KNDC1: variants seen among roughly 807,000 people sequenced by gnomAD.
KNDC1 encodes the protein kinase non-catalytic C-lobe domain containing 1.
KNDC1 carries 106 observed loss-of-function variants against 172.8 expected under a neutral mutation model. The ratio of observed to expected loss-of-function variants is 0.61; its 90% CI spans 0.52 to 0.72. KNDC1 has a LOEUF of 0.72. Among genes scored for constraint, KNDC1 ranks in the 30% least tolerant of loss-of-function variants. The pLI, the probability that KNDC1 is intolerant of heterozygous loss-of-function variation, is 0.00. For synonymous variants in KNDC1, 1,083 were observed against 1,062.2 expected, an observed-to-expected ratio of 1.02 and a Z score of -0.38; for missense variants, 2,325 against 2,394.5, an observed-to-expected ratio of 0.97 and a Z score of 0.61.
At position 133,185,982 on chromosome 10, in the gene KNDC1, G is replaced by A. The variant is rs751668060; in HGVS notation, c.634G>A (p.Glu212Lys). 62 of 1,595,730 alleles carry A rather than the reference G, an allele frequency of 3.9e-5. No homozygotes were observed. The highest frequency in any genetic ancestry group is 4.9e-5 in the Non-Finnish European group (57 of 1,173,070). ...ATCTTGCTTGTGCCCAGATGTCAGC[G>A]AGAGCAGCTGGCGGGAGAGACCTGC... ...ESFGALQDVS[E>K]SSWRERPAPG... is the part of the protein sequence containing the mutation. Residue 212 changes from glutamate to lysine, a missense_variant, in exon 6 of 30, where the codon GAG becomes AAG. Coordinates refer to ENST00000304613, the MANE Select transcript of KNDC1 (RefSeq NM_152643.8).
At chr10:133,223,582 C>G (rs1589781209) in intron 29 of KNDC1, among the ~76,000 whole-genome samples, 3 of 69,548 alleles carry the variant, frequency 4.3e-5, no homozygotes, top group Admixed American at 1.4e-4. Context: ...CAGGCATGCT[C>G]TTCCCGGCGT....
intron 23 of KNDC1, 137 bp downstream of exon 23, chr10:133,211,995 A>G (rs1254821688): frequency 2.5e-6 from 2 of 786,308 alleles, no homozygotes; most frequent in East Asian, 2.7e-5. Context: ...ATGCATACAC[A>G]TAGACGTGTG....
Position 133,224,539 on chromosome 10 carries a change from A to T in KNDC1, c.5019-120A>T. On this transcript the variant is annotated intron_variant, in intron 29 of 29. Coordinates refer to ENST00000304613, the MANE Select transcript of KNDC1 (RefSeq NM_152643.8). This position sits in a 1 kb window ranked among gnomAD's most constrained non-coding sequence, Gnocchi z 5.4. ...TAAATACAGACAACCCACCCTTCAG[A>T]ATTTACACGGTGAAAAGATTTAGTC... 1.4e-6 allele frequency: 1 copy of T among 717,642 alleles called. No individual in the cohort carries two copies. The allele number at this position is 717,642 out of a possible 1,614,324, so 44.5% of individuals were successfully genotyped here.
At chr10:133,165,670 C>T (rs538915311) in intron 1 of KNDC1, among the ~76,000 whole-genome samples, 6 of 152,344 alleles carry the variant, frequency 3.9e-5, no homozygotes, top group South Asian at 2.1e-4. Context: ...CATATGTGTG[C>T]GCCTGCGTGT....
chr10:133,200,527 G>T (rs563150354), intron 16 of KNDC1, 67 bp downstream of exon 16: 10 of 1,210,570 alleles, frequency 8.3e-6, no homozygotes, highest in Non-Finnish European at 9.8e-6. Flanking sequence ...TCTGCAATGC[G>T]GGGGGCGCCC....
intron 14 of KNDC1, 86 bp from the exon 15 acceptor site, chr10:133,199,372 A>T: frequency 6.4e-7 from 1 of 1,570,204 alleles, no homozygotes. Context: ...AGCCGAGATC[A>T]GCCTTGTCCG....
rs984391186 is a variant in KNDC1, at chr10:133,225,058, C to G, written c.*168C>G. 2 of 614,738 alleles carry G rather than the reference C, an allele frequency of 3.3e-6. No homozygotes were observed. The highest frequency in any genetic ancestry group is 5.8e-6 in the Non-Finnish European group (2 of 342,196). The allele number at this position is 614,738 out of a possible 1,614,324, so 38.1% of individuals were successfully genotyped here. A position where few individuals can be genotyped will look rare whatever the true frequency, so the allele number is the denominator to read the frequency against. On this transcript the variant is annotated 3_prime_UTR_variant, in exon 30 of 30. Coordinates refer to ENST00000304613, the MANE Select transcript of KNDC1 (RefSeq NM_152643.8). ...GCTCAGGGGACCCCATGGGGACAGG[C>G]AGAGCTGGTCTCCTCCCAGCAGACG...
Position 133,175,003 on chromosome 10 carries a change from GT to G in KNDC1, c.360+6692del. Among the ~76,000 whole-genome samples, 4 of 151,086 alleles carry G rather than the reference GT, an allele frequency of 2.6e-5. 1 individual carries two copies. The highest frequency in any genetic ancestry group is 9.7e-5 in the African/African-American group (4 of 41,148). ...GGGTGGATGGGTGGATGGTGGATATGTGAATGGATGGGTGGGTGGAAAGATG... is the reference window on the plus strand; with the variant it reads ...GGGTGGATGGGTGGATGGTGGATATGGAATGGATGGGTGGGTGGAAAGATG... On this transcript the variant is annotated intron_variant, in intron 3 of 29. Coordinates refer to ENST00000304613, the MANE Select transcript of KNDC1 (RefSeq NM_152643.8).
chr10:133,195,265 C>T (rs1218808603), intron 9 of KNDC1, among the ~76,000 whole-genome samples: 4 of 152,128 alleles, frequency 2.6e-5, no homozygotes, highest in African/African-American at 7.2e-5. Flanking sequence ...CAGCACGGCA[C>T]CAGTCGGGGG....
In KNDC1 at chr10:133,186,236, C is replaced by T. The variant is rs1440806634; in HGVS notation, c.888C>T (p.Ala296=). 6.3e-7 allele frequency: 1 copy of T among 1,593,186 alleles called. No individual in the cohort carries two copies. The highest frequency in any genetic ancestry group is 8.5e-7 in the Non-Finnish European group (1 of 1,170,620). Residue 296 remains alanine (A), a synonymous_variant, in exon 6 of 30, where the codon GCC becomes GCT. Transcript: ENST00000304613. ...ERTLGELDRD[A]LRRSRLRKVQ... is the part of the protein sequence containing the mutation. ...CCCTCGGGGAGCTGGACAGAGACGC[C>T]CTCAGGAGAAGCCGCCTGCGGAAGG...
At chr10:133,172,060 G>T (rs11101603) in intron 3 of KNDC1, among the ~76,000 whole-genome samples, 1 of 152,070 alleles carries the variant, frequency 6.6e-6, no homozygotes, top group Non-Finnish European at 1.5e-5. Flanking sequence ...CCTCCCATCC[G>T]ATGGTCCTGC....
intron 9 of KNDC1, among the ~76,000 whole-genome samples, chr10:133,195,089 T>C (rs566953582): frequency 6.6e-6 from 1 of 152,376 alleles, no homozygotes; most frequent in South Asian, 2.1e-4. Flanking sequence ...GTTTCATTGA[T>C]TTTTATCAAT....
intron 3 of KNDC1, among the ~76,000 whole-genome samples, chr10:133,174,728 T>C (rs1434789598): frequency 1.3e-5 from 2 of 148,748 alleles, no homozygotes; most frequent in Non-Finnish European, 3.0e-5. Context: ...ATGGTTAATA[T>C]GTGGATGGAT....
chr10:133,196,255 C>T (rs1210779847), intron 10 of KNDC1, among the ~76,000 whole-genome samples: 1 of 152,134 alleles, frequency 6.6e-6, no homozygotes, highest in East Asian at 1.9e-4. Context: ...CAGCCCCGCC[C>T]CTCCCTGCCT....
At position 133,186,372 on chromosome 10, in the gene KNDC1, A is replaced by T. The variant is rs267602421; in HGVS notation, c.1024A>T (p.Arg342Trp). 6.2e-7 allele frequency: 1 copy of T among 1,612,764 alleles called. No homozygotes were observed. The highest frequency in any genetic ancestry group is 1.6e-4 in the Middle Eastern group (1 of 6,062). The change falls in exon 6 of 30, where the codon AGG (arginine) becomes TGG (tryptophan). Residue 342 changes from arginine to tryptophan, a missense_variant. Arg to Trp is a moderately radical substitution (Grantham distance 101, BLOSUM62 -3). Coordinates refer to ENST00000304613, the MANE Select transcript of KNDC1 (RefSeq NM_152643.8). Reference protein sequence around the residue: ...PISELFSPDPRKAFLDRKNGL... With the variant: ...PISELFSPDPWKAFLDRKNGL... ...ATCGGAATTATTCTCTCCGGACCCC[A>T]GGAAGGCCTTTCTGGACAGGAAAAA...
chr10:133,162,572 C>T (rs1348223013), intron 1 of KNDC1, among the ~76,000 whole-genome samples: 2 of 152,184 alleles, frequency 1.3e-5, no homozygotes, highest in African/African-American at 4.8e-5. Context: ...TGACATGGTC[C>T]CAAAGAAAAT....
intron 3 of KNDC1, among the ~76,000 whole-genome samples, chr10:133,177,926 AGT>A (rs1306015421): frequency 3.6e-5 from 5 of 137,652 alleles, no homozygotes; most frequent in South Asian, 2.3e-4. Flanking sequence ...GCAAGCATGT[AGT>A]GTGTTATGTC....
chr10:133,211,849 C>G lies in KNDC1; in HGVS notation c.4227C>G (p.Ile1409Met), dbSNP rs772965775. Residue 1409 changes from isoleucine to methionine, a missense_variant, in exon 23 of 30, where the codon ATC becomes ATG. By Grantham distance (10) the Ile-to-Met change is conservative. Coordinates refer to ENST00000304613, the MANE Select transcript of KNDC1 (RefSeq NM_152643.8). ...GTAAGAGGCTCTCAGAGGACGGCAT[C>G]TCCAGGAAGGTGGGGTCCTTTCTCA... ...ALCKRLSEDG[I>M]SRKSFPWRLP... is the part of the protein sequence containing the mutation. The G allele has an allele frequency of 1.2e-6, 2 of 1,606,322 alleles. No individual in the cohort carries two copies. The highest frequency in any genetic ancestry group is 2.2e-5 in the East Asian group (1 of 44,838).
In KNDC1 at chr10:133,198,853, T is replaced by C. The variant is rs894643565; in HGVS notation, c.2345T>C (p.Val782Ala). Residue 782 changes from valine (V) to alanine (A), a missense_variant, in exon 14 of 30, where the codon GTC becomes GCC. By Grantham distance (64) the Val-to-Ala change is moderately conservative. Coordinates refer to ENST00000304613, the MANE Select transcript of KNDC1 (RefSeq NM_152643.8). ...GASSAAPGSP[V>A]PAPPTKASAL... The stretch of plus-strand genomic sequence containing the variant: ...TCATCGGCAGCTCCCGGCTCTCCAG[T>C]CCCCGCCCCGCCCACGAAGGCATCT... 2.1e-5 allele frequency: 34 copies of C among 1,597,796 alleles called. No individual in the cohort carries two copies. Among genetic ancestry groups the C allele is most frequent in the Non-Finnish European group, 2.9e-5 (34 of 1,175,384 alleles).
Sources: allele counts gnomAD v4.1 joint callset (sites outside exome capture counted in the v4.1 genomes callset), GRCh38; gene constraint gnomAD v4.1.1; non-coding constraint Gnocchi (gnomAD v3.1); transcripts MANE v1.5; gene names NCBI Gene and HGNC (gene_info 2026-07-23, HGNC 2026-07-21).